NRXN1: variants seen among roughly 807,000 people sequenced by gnomAD.
NRXN1 encodes the protein neurexin 1, also known as neurexin-1.
In NRXN1, 39 loss-of-function variants were observed where a neutral mutation model predicts 150.9. The observed-to-expected ratio is 0.26, with a 90% CI of 0.20 to 0.34. The LOEUF is 0.34. Among genes scored for constraint, NRXN1 ranks in the 10% least tolerant of loss-of-function variants. The probability of loss-of-function intolerance (pLI) is 1.00; values close to 1 mark genes in which losing one functional copy is unlikely to be tolerated. For missense variants in NRXN1, 1,815 were observed against 1,949.9 expected, an observed-to-expected ratio of 0.93 and a Z score of 1.30; for synonymous variants, 924 against 757.0, an observed-to-expected ratio of 1.22 and a Z score of -3.62.
intron 5 of NRXN1, among the ~76,000 whole-genome samples, chr2:50,887,396 T>C (rs75841396): frequency 0.021 from 3,119 of 151,572 alleles, 113 homozygotes; most frequent in African/African-American, 0.072. Flanking sequence ...AAGCTGGCCA[T>C]ATTTGTAAAC....
chr2:50,598,636 A>T (rs1036463645), intron 8 of NRXN1, among the ~76,000 whole-genome samples: 3 of 147,500 alleles, frequency 2.0e-5, no homozygotes, highest in Non-Finnish European at 4.5e-5. Flanking sequence ...ATATATGTAT[A>T]TATGTGTGTG....
intron 5 of NRXN1, among the ~76,000 whole-genome samples, chr2:50,643,100 A>C (rs142408211): frequency 6.6e-6 from 1 of 151,988 alleles, no homozygotes; most frequent in African/African-American, 2.4e-5. Flanking sequence ...TGTAAATGCC[A>C]ATTTTTCTTT....
At chr2:50,968,564 T>C (rs959467678) in intron 2 of NRXN1, among the ~76,000 whole-genome samples, 3 of 152,092 alleles carry the variant, frequency 2.0e-5, no homozygotes, top group African/African-American at 7.2e-5. Flanking sequence ...ACTCAATAAT[T>C]TTGTTTCTGA....
intron 17 of NRXN1, among the ~76,000 whole-genome samples, chr2:50,459,603 G>C (rs956654159): frequency 6.6e-6 from 1 of 152,028 alleles, no homozygotes. Flanking sequence ...AAGGAAAATA[G>C]CCTCCAGCTC....
At position 50,742,862 on chromosome 2, in the gene NRXN1, A is replaced by G. The variant is rs572050935; in HGVS notation, c.833-119247T>C. On this transcript the variant is annotated intron_variant, in intron 5 of 22. Transcript: ENST00000401669. Reference sequence around the variant, plus strand: ...ATTCTCCACAACATTACTTACTTCCACATTTTCACATTAAAGGTGAGGAAA... The same window carrying G: ...ATTCTCCACAACATTACTTACTTCCGCATTTTCACATTAAAGGTGAGGAAA... Among the ~76,000 whole-genome samples the G allele has an allele frequency of 6.6e-5, 10 of 152,224 alleles. No individual in the cohort carries two copies. In the South Asian group the frequency reaches 1.0e-3, roughly 16 times the overall value.
intron 21 of NRXN1, chr2:50,023,005 C>T (rs150440652): frequency 1.3e-5 from 2 of 152,120 alleles, no homozygotes; most frequent in African/African-American, 4.8e-5. Context: ...CTGTCACCTG[C>T]CAAGGGAGTA....
intron 17 of NRXN1, among the ~76,000 whole-genome samples, chr2:50,335,393 G>A (rs545970218): frequency 1.2e-3 from 183 of 152,224 alleles, no homozygotes; most frequent in African/African-American, 3.9e-3. Flanking sequence ...TTCTCTTACC[G>A]AAATCTCTCG....
At chr2:50,940,473 CAAAA>C (rs748999405) in intron 2 of NRXN1, among the ~76,000 whole-genome samples, 2 of 75,124 alleles carry the variant, frequency 2.7e-5, no homozygotes, top group Admixed American at 1.6e-4. Context: ...GACTCCATCT[CAAAA>C]AAAAAAAAAA....
rs201798207 is a variant in NRXN1, at chr2:49,973,280, TA to T, written c.4129-29490del. ...ATATTTCAGAAATAAACACTTTCATTATCCCAGACACGCATTTTTTTCAGTA... is the reference window on the plus strand; with the variant it reads ...ATATTTCAGAAATAAACACTTTCATTTCCCAGACACGCATTTTTTTCAGTA... On this transcript the variant is annotated intron_variant, in intron 21 of 22. Coordinates refer to ENST00000401669, the MANE Select transcript of NRXN1 (RefSeq NM_001330078.2). 1.8e-4 allele frequency among the ~76,000 whole-genome samples: 28 copies of T among 152,344 alleles called. 1 individual carries two copies. The East Asian group carries it at 5.4e-3, about 29-fold the overall frequency.
At chr2:50,288,972 C>A (rs902080496) in intron 17 of NRXN1, among the ~76,000 whole-genome samples, 1 of 149,820 alleles carries the variant, frequency 6.7e-6, no homozygotes, top group Non-Finnish European at 1.5e-5. Flanking sequence ...AACAATTGAG[C>A]GGCTATAAGA....
In NRXN1 at chr2:50,625,977, G is replaced by C. The variant is rs79126951; in HGVS notation, c.833-2362C>G. Reference sequence around the variant, plus strand: ...CTCTTTAAGATAAAAAACAGGACAAGGATTCCCACTGTCAACATTTATATT... The same window carrying C: ...CTCTTTAAGATAAAAAACAGGACAACGATTCCCACTGTCAACATTTATATT... On this transcript the variant is annotated intron_variant, in intron 5 of 22. Coordinates refer to ENST00000401669, the MANE Select transcript of NRXN1 (RefSeq NM_001330078.2). Among the ~76,000 whole-genome samples, 277 of 152,008 alleles carry C rather than the reference G, an allele frequency of 1.8e-3. 2 individuals carry two copies. Among genetic ancestry groups the C allele is most frequent in the African/African-American group, 6.3e-3 (261 of 41,508 alleles).
intron 18 of NRXN1, among the ~76,000 whole-genome samples, chr2:50,215,623 A>G (rs2063342321): frequency 6.6e-6 from 1 of 152,074 alleles, no homozygotes; most frequent in South Asian, 2.1e-4. Flanking sequence ...ATGCACAGTA[A>G]AAAGAATTTC....
chr2:50,530,063 G>C lies in NRXN1; in HGVS notation c.2347+1164C>G, dbSNP rs2093057950. Among the ~76,000 whole-genome samples the C allele has an allele frequency of 2.0e-5, 3 of 152,142 alleles. No homozygotes were observed. The South Asian group carries it at 6.2e-4, about 32-fold the overall frequency. On this transcript the variant is annotated intron_variant, in intron 11 of 22. Transcript: ENST00000401669. ...TCCTTTTTTGGGGTAAATCTATGTA[G>C]TTTCAAATTTCATTTTTCCCTCTCT...
intron 17 of NRXN1, among the ~76,000 whole-genome samples, chr2:50,269,923 C>T (rs1355628887): frequency 1.3e-5 from 2 of 152,126 alleles, no homozygotes; most frequent in Admixed American, 6.5e-5. Context: ...TAAACTCAGA[C>T]TTTAAATTCC....
intron 2 of NRXN1, among the ~76,000 whole-genome samples, chr2:50,984,498 T>C (rs1464038551): frequency 2.0e-5 from 3 of 152,060 alleles, no homozygotes; most frequent in Non-Finnish European, 4.4e-5. Context: ...ATGTGCCTAC[T>C]ATATACAGGG....
At chr2:50,726,886 T>C (rs1697424285) in intron 5 of NRXN1, among the ~76,000 whole-genome samples, 1 of 152,116 alleles carries the variant, frequency 6.6e-6, no homozygotes, top group East Asian at 1.9e-4. Flanking sequence ...TAAAGAAAAA[T>C]AAACAAGTAA....
chr2:50,455,909 C>G (rs1346886558), intron 17 of NRXN1, among the ~76,000 whole-genome samples: 2 of 152,162 alleles, frequency 1.3e-5, no homozygotes, highest in Non-Finnish European at 2.9e-5. Flanking sequence ...ACCTAGAACT[C>G]TTAACAATGT....
intron 2 of NRXN1, among the ~76,000 whole-genome samples, chr2:50,942,883 G>A (rs1258663845): frequency 6.6e-6 from 1 of 152,168 alleles, no homozygotes; most frequent in African/African-American, 2.4e-5. Flanking sequence ...AAAGAGACAT[G>A]AGATTTGGTA....
At chr2:50,130,014 G>C (rs935462914) in intron 18 of NRXN1, among the ~76,000 whole-genome samples, 6 of 151,998 alleles carry the variant, frequency 3.9e-5, no homozygotes, top group Non-Finnish European at 8.8e-5. Flanking sequence ...ATCAGCACAT[G>C]TTATCTCATT....
Sources: allele counts gnomAD v4.1 joint callset (sites outside exome capture counted in the v4.1 genomes callset), GRCh38; gene constraint gnomAD v4.1.1; transcripts MANE v1.5; gene names NCBI Gene and HGNC (gene_info 2026-07-23, HGNC 2026-07-21).